Variants in CTNNA1 observed in about 807,000 individuals in gnomAD.
CTNNA1 encodes catenin alpha 1, also known as catenin alpha-1.
A neutral mutation model predicts 98.4 loss-of-function variants in CTNNA1; 37 were observed. That is an observed-to-expected ratio of 0.38 (90% CI 0.29 to 0.49). The LOEUF (loss-of-function observed/expected upper bound fraction) is 0.49. Ranked by LOEUF, CTNNA1 falls within the 20% of genes least tolerant of loss-of-function variation. The pLI is 0.95. For synonymous variants in CTNNA1, 404 were observed against 413.2 expected, an observed-to-expected ratio of 0.98 and a Z score of 0.27; for missense variants, 761 against 1,147.2, an observed-to-expected ratio of 0.66 and a Z score of 4.86.
intron 5 of CTNNA1, 110 bp downstream of exon 5, chr5:138,812,412 G>T: frequency 8.3e-7 from 1 of 1,203,954 alleles, no homozygotes; most frequent in Non-Finnish European, 1.1e-6. Context: ...CGCCAATATA[G>T]TTCCATTAAA....
chr5:138,869,899 G>A (rs1266389421), intron 7 of CTNNA1: 1 of 152,492 alleles, frequency 6.6e-6, no homozygotes, highest in Non-Finnish European at 1.5e-5. Flanking sequence ...AGTTGTGTGT[G>A]GATTTACAAG....
chr5:138,757,434 A>C (rs554914393), intron 1 of CTNNA1, among the ~76,000 whole-genome samples: 1 of 152,136 alleles, frequency 6.6e-6, no homozygotes, highest in Non-Finnish European at 1.5e-5. Flanking sequence ...ATGCCCCTGC[A>C]CTCCAGCCTG....
chr5:138,853,585 G>A (rs376233156), intron 7 of CTNNA1, among the ~76,000 whole-genome samples: 1,773 of 152,076 alleles, frequency 0.012, 27 homozygotes, highest in African/African-American at 0.041. Context: ...CCTGTTTTGG[G>A]TAAAAATGTC....
intron 9 of CTNNA1, among the ~76,000 whole-genome samples, chr5:138,897,294 A>ACCGC (rs1757040441): frequency 6.1e-5 from 1 of 16,388 alleles, no homozygotes; most frequent in African/African-American, 2.2e-4. Flanking sequence ...CTCACACCGC[A>ACCGC]CCCCCCCCCC....
At chr5:138,823,785 G>T (rs1215461802) in intron 5 of CTNNA1, among the ~76,000 whole-genome samples, 1 of 150,936 alleles carries the variant, frequency 6.6e-6, no homozygotes, top group Non-Finnish European at 1.5e-5. Flanking sequence ...GTGAAACCCC[G>T]TCTCTACTAA....
chr5:138,830,389 ATCT>A (rs773249276), intron 7 of CTNNA1, among the ~76,000 whole-genome samples: 12 of 152,162 alleles, frequency 7.9e-5, no homozygotes, highest in Non-Finnish European at 1.6e-4. Context: ...AAAGAAAGAA[ATCT>A]TCTTGAGATT....
chr5:138,820,394 C>T (rs1759914973), intron 5 of CTNNA1, among the ~76,000 whole-genome samples: 1 of 152,090 alleles, frequency 6.6e-6, no homozygotes, highest in East Asian at 1.9e-4. Context: ...CAGTCTCGTC[C>T]CCTTCTTGGA....
chr5:138,897,294 A>ACCGCCCCCCCC (rs1757040441), intron 9 of CTNNA1, among the ~76,000 whole-genome samples: 1 of 16,388 alleles, frequency 6.1e-5, no homozygotes, highest in African/African-American at 2.2e-4. Context: ...CTCACACCGC[A>ACCGCCCCCCCC]CCCCCCCCCC....
chr5:138,914,918 C>T (rs929706496), intron 10 of CTNNA1, among the ~76,000 whole-genome samples: 14 of 151,950 alleles, frequency 9.2e-5, no homozygotes, highest in Admixed American at 3.9e-4. Flanking sequence ...GAGGCCGAGG[C>T]GGGTGGATCA....
intron 7 of CTNNA1, among the ~76,000 whole-genome samples, chr5:138,877,991 G>C (rs959229864): frequency 2.6e-5 from 4 of 152,100 alleles, no homozygotes; most frequent in African/African-American, 9.7e-5. Flanking sequence ...TTAAACTCTT[G>C]GTTTTTAGTC....
At position 138,934,938 on chromosome 5, in the gene CTNNA1, T is replaced by C. The variant is rs1766225328; in HGVS notation, c.*849T>C. ...ATTGATTACTATTAACTACAAGGTA[T>C]AATTTACTATCACCTTATTTAAATT... is the stretch of plus-strand genomic sequence containing the variant. On this transcript the variant is annotated 3_prime_UTR_variant, in exon 18 of 18. Transcript: ENST00000302763. 6.6e-6 allele frequency: 1 copy of C among 152,536 alleles called. No homozygotes were observed. Among genetic ancestry groups the C allele is most frequent in the African/African-American group, 2.4e-5 (1 of 41,466 alleles). The allele number at this position is 152,536 out of a possible 1,614,324, so 9.4% of individuals were successfully genotyped here. A position where few individuals can be genotyped will look rare whatever the true frequency, so the allele number is the denominator to read the frequency against.
chr5:138,928,621 G>A (rs1168354094), intron 13 of CTNNA1, among the ~76,000 whole-genome samples: 2 of 152,176 alleles, frequency 1.3e-5, no homozygotes, highest in East Asian at 1.9e-4. Flanking sequence ...CGGTGTTGGG[G>A]AAGTAAATTA....
intron 13 of CTNNA1, among the ~76,000 whole-genome samples, chr5:138,928,690 T>C (rs1295811427): frequency 2.6e-5 from 4 of 152,134 alleles, no homozygotes; most frequent in Middle Eastern, 3.2e-3. Flanking sequence ...TCTCAGCACT[T>C]TGGGAGGCCA....
intron 7 of CTNNA1, among the ~76,000 whole-genome samples, chr5:138,847,558 C>G (rs1193271143): frequency 6.6e-6 from 1 of 152,112 alleles, no homozygotes; most frequent in East Asian, 1.9e-4. Flanking sequence ...TATTTACTTT[C>G]CTTTTGAAAA....
rs561882290 is a variant in CTNNA1 at position 138,877,916 on chromosome 5, T to TAG, written c.1063-8293_1063-8292dup. On this transcript the variant is annotated intron_variant, in intron 7 of 17. Transcript: ENST00000302763. ...AGAAAAGCATTTTAGTCAGTTGGAT[T>TAG]AGAGCCACCATGATTAGGAATGAGT... is the stretch of plus-strand genomic sequence containing the variant. Among the ~76,000 whole-genome samples the TAG allele has an allele frequency of 2.7e-3, 414 of 152,308 alleles. 1 individual carries two copies. Among genetic ancestry groups the TAG allele is most frequent in the African/African-American group, 9.7e-3 (405 of 41,566 alleles).
At chr5:138,830,229 G>C (rs1182050589) in intron 7 of CTNNA1, among the ~76,000 whole-genome samples, 1 of 151,634 alleles carries the variant, frequency 6.6e-6, no homozygotes, top group Non-Finnish European at 1.5e-5. Flanking sequence ...GGCGTGGTGT[G>C]GGGGCCCCTG....
At chr5:138,901,711 T>A (rs1758079607) in intron 9 of CTNNA1, among the ~76,000 whole-genome samples, 1 of 152,030 alleles carries the variant, frequency 6.6e-6, no homozygotes, top group Non-Finnish European at 1.5e-5. Context: ...CAGCTCAGAG[T>A]GTTTCTCATT....
chr5:138,922,531 C>A (rs1050844562), intron 11 of CTNNA1, among the ~76,000 whole-genome samples: 4 of 152,072 alleles, frequency 2.6e-5, no homozygotes, highest in African/African-American at 4.8e-5. Context: ...GAATTTTTTT[C>A]TATTAGAAGC....
intron 7 of CTNNA1, among the ~76,000 whole-genome samples, chr5:138,846,062 G>A (rs1402112028): frequency 6.6e-6 from 1 of 152,128 alleles, no homozygotes. Context: ...AAGTAGCTGG[G>A]ATTACAAGCG....
Sources: allele counts gnomAD v4.1 joint callset (sites outside exome capture counted in the v4.1 genomes callset), GRCh38; gene constraint gnomAD v4.1.1; transcripts MANE v1.5; gene names NCBI Gene and HGNC (gene_info 2026-07-23, HGNC 2026-07-21).